KANTR: variants seen among roughly 807,000 people sequenced by gnomAD.
KANTR encodes KDM5C adjacent transcript.
chrX:53,118,247 A>G (rs1326781897), intron 2 of KANTR, among the ~76,000 whole-genome samples: 2 of 112,045 alleles, frequency 1.8e-5, no homozygotes, highest in Non-Finnish European at 3.8e-5. Context: ...GTGGTAACCA[A>G]TTTACACTAC....
downstream of KANTR, chrX:53,143,178 G>A: frequency 2.4e-6 from 2 of 838,003 alleles, no homozygotes; most frequent in Non-Finnish European, 3.6e-6. Context: ...CGATGGTGAT[G>A]ACCTGACCTG....
chrX:53,146,630 G>A (rs1933579708), downstream of KANTR, among the ~76,000 whole-genome samples: 1 of 110,945 alleles, frequency 9.0e-6, no homozygotes, highest in Admixed American at 9.7e-5. Flanking sequence ...ACACCACAAA[G>A]GTACTCCTCG....
intron 2 of KANTR, among the ~76,000 whole-genome samples, chrX:53,123,166 T>C (rs1217557416): frequency 9.3e-6 from 1 of 107,140 alleles, no homozygotes; most frequent in Non-Finnish European, 1.9e-5. Flanking sequence ...TACACACAAA[T>C]CCTGAGCAAG....
chrX:53,129,591 G>C (rs4830349), downstream of KANTR, among the ~76,000 whole-genome samples: 1 of 108,660 alleles, frequency 9.2e-6, no homozygotes, highest in Admixed American at 1.0e-4. Flanking sequence ...GAGGACATTA[G>C]GACACTCGTC....
chrX:53,097,344 T>C (rs1932851887), intron 1 of KANTR, among the ~76,000 whole-genome samples: 1 of 69,152 alleles, frequency 1.4e-5, no homozygotes, highest in African/African-American at 4.2e-5. Flanking sequence ...TTTTCATTTG[T>C]TTTAAGTTTT....
chrX:53,143,088 G>A, downstream of KANTR: 1 of 1,198,374 alleles, frequency 8.3e-7, no homozygotes, highest in Non-Finnish European at 1.1e-6. Context: ...AGTTGAAGGT[G>A]GTCTTGTGGA....
chrX:53,147,089 A>C (rs1556819482), downstream of KANTR, among the ~76,000 whole-genome samples: 2 of 111,643 alleles, frequency 1.8e-5, no homozygotes, highest in African/African-American at 6.5e-5. Context: ...CTAACATCAT[A>C]ATGACAGGAT....
exon 3 of KANTR, chrX:53,123,482 A>G (rs1259245408): frequency 8.9e-6 from 1 of 111,846 alleles, no homozygotes; most frequent in African/African-American, 3.3e-5. Context: ...ATGCATCATT[A>G]TTAGAACCAT....
At chrX:53,105,338 G>A (rs920487102) in intron 2 of KANTR, among the ~76,000 whole-genome samples, 1 of 111,764 alleles carries the variant, frequency 8.9e-6, no homozygotes, top group Non-Finnish European at 1.9e-5. Context: ...TATGAAAGTG[G>A]TGTCTCATTG....
chrX:53,104,296 G>A (rs997508069), intron 2 of KANTR, among the ~76,000 whole-genome samples: 2 of 109,933 alleles, frequency 1.8e-5, no homozygotes, highest in African/African-American at 3.3e-5. Flanking sequence ...GTACAATCTC[G>A]GCTCACTGCA....
chrX:53,130,583 C>T (rs374736401), downstream of KANTR, among the ~76,000 whole-genome samples: 5 of 112,545 alleles, frequency 4.4e-5, no homozygotes, highest in African/African-American at 1.6e-4. Context: ...TAGTAATATG[C>T]ACTTCATAGG....
At chrX:53,103,540 C>A (rs2146719647) in intron 2 of KANTR, among the ~76,000 whole-genome samples, 1 of 111,141 alleles carries the variant, frequency 9.0e-6, no homozygotes, top group African/African-American at 3.3e-5. Flanking sequence ...TTCCCTTCGC[C>A]CTCTGCCACT....
intron 2 of KANTR, among the ~76,000 whole-genome samples, chrX:53,106,017 C>G (rs1166127945): frequency 9.5e-6 from 1 of 105,406 alleles, no homozygotes; most frequent in Non-Finnish European, 1.9e-5. Flanking sequence ...GCCACCATGC[C>G]CAGCTAATTT....
At chrX:53,142,586 T>G in exon 3 of KANTR, 1 of 305,787 alleles carries the variant, frequency 3.3e-6, no homozygotes, top group South Asian at 3.0e-5. Flanking sequence ...AGTGCTGGGA[T>G]TATAGGCGTG....
At chrX:53,108,774 C>T (rs888638355) in intron 2 of KANTR, among the ~76,000 whole-genome samples, 2 of 110,144 alleles carry the variant, frequency 1.8e-5, no homozygotes, top group Non-Finnish European at 3.8e-5. Flanking sequence ...GATCATAGCT[C>T]ACTGCAACCT....
intron 2 of KANTR, among the ~76,000 whole-genome samples, chrX:53,100,953 G>A (rs1556811751): frequency 8.9e-6 from 1 of 111,987 alleles, no homozygotes. Context: ...CTCATGAACC[G>A]ACTTTTGCTA....
chrX:53,141,545 G>T (rs782637097), intron 2 of KANTR, among the ~76,000 whole-genome samples: 57 of 110,942 alleles, frequency 5.1e-4, no homozygotes, highest in Non-Finnish European at 1.0e-3. Flanking sequence ...CATTTTCTTA[G>T]TTGTTATTCC....
intron 2 of KANTR, among the ~76,000 whole-genome samples, chrX:53,132,840 GAGTT>G (rs1460923132): frequency 1.8e-5 from 2 of 111,876 alleles, no homozygotes; most frequent in Admixed American, 9.5e-5. Flanking sequence ...TTAGACCAGT[GAGTT>G]AGATGTACAC....
chrX:53,099,242 G>A (rs1039814551), intron 1 of KANTR, among the ~76,000 whole-genome samples: 10 of 110,972 alleles, frequency 9.0e-5, no homozygotes, highest in African/African-American at 2.9e-4. Flanking sequence ...GCATGGTGGC[G>A]GACACCTGTA....
Sources: allele counts gnomAD v4.1 joint callset (sites outside exome capture counted in the v4.1 genomes callset), GRCh38; gene constraint gnomAD v4.1.1; transcripts MANE v1.5; gene names NCBI Gene and HGNC (gene_info 2026-07-23, HGNC 2026-07-21).